Variants in RBFOX1 observed in about 807,000 individuals in gnomAD.
RBFOX1 encodes the protein RNA binding fox-1 homolog 1.
Under a neutral mutation model 57.7 loss-of-function variants are expected in RBFOX1, and 8 were observed. The ratio of observed to expected loss-of-function variants is 0.14; its 90% CI spans 0.08 to 0.25. RBFOX1 has a LOEUF of 0.25. Ranked by LOEUF, RBFOX1 falls within the 10% of genes least tolerant of loss-of-function variation. RBFOX1 has a pLI of 1.00. For missense variants in RBFOX1, 611 were observed against 548.5 expected (o/e 1.11, Z -1.14); for synonymous variants, 326 against 222.4 (o/e 1.47, Z -4.15).
chr16:6,251,653 C>G (rs947740857), intron 1 of RBFOX1, among the ~76,000 whole-genome samples: 25 of 152,142 alleles, frequency 1.6e-4, no homozygotes, highest in African/African-American at 5.8e-4. Flanking sequence ...AAACTCTGCT[C>G]GAAGCACAGA....
At chr16:5,914,661 C>T (rs2058669448) in intron 4 of RBFOX1, among the ~76,000 whole-genome samples, 1 of 152,108 alleles carries the variant, frequency 6.6e-6, no homozygotes, top group South Asian at 2.1e-4. Flanking sequence ...CTTTGGGAGG[C>T]CCAGGCGGGC....
chr16:6,213,124 G>A (rs1233322740), intron 1 of RBFOX1, among the ~76,000 whole-genome samples: 14 of 152,098 alleles, frequency 9.2e-5, no homozygotes, highest in Admixed American at 9.2e-4. Context: ...TGGAAGTCTT[G>A]TTATTGAGTT....
chr16:7,350,376 G>A (rs1157467623), intron 4 of RBFOX1, among the ~76,000 whole-genome samples: 2 of 152,134 alleles, frequency 1.3e-5, no homozygotes, highest in East Asian at 3.9e-4. Flanking sequence ...GACACAGTGG[G>A]TAAAGAGGGA....
intron 1 of RBFOX1, among the ~76,000 whole-genome samples, chr16:6,158,842 C>A (rs773458403): frequency 6.6e-6 from 1 of 151,944 alleles, no homozygotes; most frequent in Non-Finnish European, 1.5e-5. Context: ...AATAGACAGG[C>A]ACCTATTAAA....
At chr16:5,579,354 C>T (rs911484024) in intron 2 of RBFOX1, among the ~76,000 whole-genome samples, 7 of 152,084 alleles carry the variant, frequency 4.6e-5, no homozygotes, top group Non-Finnish European at 1.0e-4. Context: ...TCCTAATCTC[C>T]TCTTTCTCAT....
chr16:7,040,057 T>G (rs2153704768), intron 3 of RBFOX1, among the ~76,000 whole-genome samples: 1 of 152,016 alleles, frequency 6.6e-6, no homozygotes, highest in South Asian at 2.1e-4. Context: ...AGTCTTGCTC[T>G]GTCACCAGGT....
At chr16:7,428,874 A>C (rs1427440390) in intron 4 of RBFOX1, among the ~76,000 whole-genome samples, 2 of 152,258 alleles carry the variant, frequency 1.3e-5, no homozygotes, top group East Asian at 3.9e-4. Context: ...TAGAAGTAGC[A>C]GCAGCAGCAA....
At chr16:7,035,644 A>C (rs2044189234) in intron 3 of RBFOX1, among the ~76,000 whole-genome samples, 1 of 152,182 alleles carries the variant, frequency 6.6e-6, no homozygotes, top group Non-Finnish European at 1.5e-5. Flanking sequence ...GAGCTCGGTC[A>C]TTACTTCCAG....
intron 4 of RBFOX1, among the ~76,000 whole-genome samples, chr16:7,398,677 G>A (rs1198480925): frequency 1.3e-5 from 2 of 152,196 alleles, no homozygotes; most frequent in African/African-American, 4.8e-5. Flanking sequence ...ACTTATTGAT[G>A]TGATGGGCTA....
At chr16:6,794,761 T>C (rs1317843120) in intron 3 of RBFOX1, among the ~76,000 whole-genome samples, 3 of 152,170 alleles carry the variant, frequency 2.0e-5, no homozygotes, top group Non-Finnish European at 4.4e-5. Flanking sequence ...GTGTGGTTGA[T>C]GTAGGGAAAC....
At chr16:5,408,601 C>T (rs922801579) in intron 1 of RBFOX1, among the ~76,000 whole-genome samples, 4 of 152,130 alleles carry the variant, frequency 2.6e-5, no homozygotes, top group African/African-American at 4.8e-5. Flanking sequence ...TGTATTAGGC[C>T]GTTCTTGCAT....
At chr16:5,758,117 C>G (rs1224185510) in intron 3 of RBFOX1, among the ~76,000 whole-genome samples, 1 of 152,188 alleles carries the variant, frequency 6.6e-6, no homozygotes, top group Non-Finnish European at 1.5e-5. Context: ...TGTGGGGGCA[C>G]AGAGCAAATG....
intron 3 of RBFOX1, among the ~76,000 whole-genome samples, chr16:6,788,218 C>G (rs892797356): frequency 1.3e-5 from 2 of 151,982 alleles, no homozygotes; most frequent in Non-Finnish European, 2.9e-5. Context: ...GAAACTCCAT[C>G]TAAAATAATA....
At chr16:6,450,821 A>ATGTG (rs1567303548) in intron 2 of RBFOX1, among the ~76,000 whole-genome samples, 6 of 28,616 alleles carry the variant, frequency 2.1e-4, no homozygotes, top group African/African-American at 9.1e-4. Flanking sequence ...ATATATACAT[A>ATGTG]TATATATATA....
chr16:7,207,159 C>T (rs745492154), intron 4 of RBFOX1, among the ~76,000 whole-genome samples: 4 of 152,164 alleles, frequency 2.6e-5, no homozygotes, highest in South Asian at 4.1e-4. Flanking sequence ...AAGAGGTGTA[C>T]GCTGTATTTT....
chr16:7,677,368 G>C (rs920282817), intron 14 of RBFOX1, among the ~76,000 whole-genome samples: 1 of 152,138 alleles, frequency 6.6e-6, no homozygotes, highest in Admixed American at 6.6e-5. Flanking sequence ...TTCATAAGGA[G>C]ATTGATTCTT....
intron 4 of RBFOX1, among the ~76,000 whole-genome samples, chr16:7,495,929 C>T (rs752598168): frequency 8.6e-5 from 13 of 152,040 alleles, no homozygotes; most frequent in Non-Finnish European, 1.3e-4. Flanking sequence ...AGCAGAATTT[C>T]ATTGAAGTTC....
At chr16:5,394,281 C>CA (rs2066489441) in intron 1 of RBFOX1, among the ~76,000 whole-genome samples, 1 of 152,170 alleles carries the variant, frequency 6.6e-6, no homozygotes, top group Non-Finnish European at 1.5e-5. Flanking sequence ...CTCAGCCTCT[C>CA]AAAGTGCTGG....
At chr16:6,344,588 G>C (rs1389502390) in intron 2 of RBFOX1, among the ~76,000 whole-genome samples, 2 of 150,712 alleles carry the variant, frequency 1.3e-5, no homozygotes, top group East Asian at 3.9e-4. Flanking sequence ...TAGTAGAGAC[G>C]GCGTTTCAGC....
Sources: allele counts gnomAD v4.1 joint callset (sites outside exome capture counted in the v4.1 genomes callset), GRCh38; gene constraint gnomAD v4.1.1; transcripts MANE v1.5; gene names NCBI Gene and HGNC (gene_info 2026-07-23, HGNC 2026-07-21).